CLTC: variants seen among roughly 807,000 people sequenced by gnomAD.
CLTC encodes the protein clathrin heavy chain, also known as clathrin heavy chain 1.
A neutral mutation model predicts 195.8 loss-of-function variants in CLTC; 16 were observed. The ratio of observed to expected loss-of-function variants is 0.08; its 90% CI spans 0.06 to 0.12. The LOEUF (loss-of-function observed/expected upper bound fraction) is 0.12. CLTC is among the 10% of genes least tolerant of loss of function. The probability of loss-of-function intolerance (pLI) is 1.00; values close to 1 mark genes in which losing one functional copy is unlikely to be tolerated. For missense variants in CLTC, 796 were observed against 2,027.0 expected (o/e 0.39, Z 11.66); for synonymous variants, 667 against 689.4 (o/e 0.97, Z 0.51).
chr17:59,655,368 C>T (rs2032440019), intron 5 of CLTC, among the ~76,000 whole-genome samples: 2 of 151,828 alleles, frequency 1.3e-5, no homozygotes, highest in African/African-American at 4.8e-5. Context: ...CATCACACCC[C>T]AAAATAATAG....
At chr17:59,650,625 AC>A (rs2032307134) in intron 4 of CLTC, among the ~76,000 whole-genome samples, 1 of 151,252 alleles carries the variant, frequency 6.6e-6, no homozygotes, top group Non-Finnish European at 1.5e-5. Flanking sequence ...GTATCAGCTG[AC>A]TTTTAAAAAT....
At chr17:59,658,323 C>T (rs9899259) in intron 6 of CLTC, among the ~76,000 whole-genome samples, 2,173 of 152,298 alleles carry the variant, frequency 0.014, 44 homozygotes, top group African/African-American at 0.049. Flanking sequence ...CAGGCATGAG[C>T]CACCACGCCT....
Position 59,683,563 on chromosome 17 carries a change from G to T in CLTC, c.4191+27G>T, listed in dbSNP as rs2033119901. 6.2e-7 allele frequency: 1 copy of T among 1,613,008 alleles called. No individual in the cohort carries two copies. ...TGTGTACTTTCTTCAGAAGATAAAG[G>T]ATTCAGAAGGAGAAAGCTCATTAGG... is the stretch of plus-strand genomic sequence containing the variant. On this transcript the variant is annotated intron_variant, in intron 26 of 31. Transcript: ENST00000269122. The surrounding 1 kb of genome is among the most constrained non-coding windows in gnomAD (Gnocchi z 6.1).
chr17:59,633,510 T>A (rs1448409693), intron 1 of CLTC, among the ~76,000 whole-genome samples: 1 of 151,810 alleles, frequency 6.6e-6, no homozygotes, highest in African/African-American at 2.4e-5. Context: ...GAAAAAAAAA[T>A]ACTCTAGTGA....
At chr17:59,667,302 G>A (rs183414852) in intron 13 of CLTC, among the ~76,000 whole-genome samples, 356 of 152,270 alleles carry the variant, frequency 2.3e-3, no homozygotes, top group African/African-American at 8.2e-3. Context: ...ATGCACCAAA[G>A]TCCAAAACTT....
At chr17:59,643,182 C>A (rs538638506) in intron 1 of CLTC, among the ~76,000 whole-genome samples, 1 of 138,858 alleles carries the variant, frequency 7.2e-6, no homozygotes, top group African/African-American at 2.9e-5. Context: ...TTGTACCATG[C>A]GAATTTATTA....
Position 59,644,289 on chromosome 17 carries a change from G to T in CLTC, c.56G>T (p.Gly19Val). Residue 19 changes from glycine (G) to valine (V), a missense_variant, in exon 2 of 32, where the codon GGT becomes GTT. Physicochemically the swap from Gly to Val is moderately radical, Grantham distance 109. Coordinates refer to ENST00000269122, the MANE Select transcript of CLTC (RefSeq NM_004859.4). Reference sequence around the variant, plus strand: ...TATTTTTTCTAGCTCCAGAACCTGGGTATCAACCCAGCAAACATTGGCTTC... The same window carrying T: ...TATTTTTTCTAGCTCCAGAACCTGGTTATCAACCCAGCAAACATTGGCTTC... ...FQEHLQLQNL[G>V]INPANIGFST... The T allele has an allele frequency of 6.2e-7, 1 of 1,613,936 alleles. No individual in the cohort carries two copies. Among genetic ancestry groups the T allele is most frequent in the Non-Finnish European group, 8.5e-7 (1 of 1,179,968 alleles).
intron 1 of CLTC, 134 bp from the exon 2 acceptor site, chr17:59,644,138 CTCTT>C: frequency 1.5e-6 from 1 of 665,110 alleles, no homozygotes. Flanking sequence ...TTAATAGTCT[CTCTT>C]TAATTAACAT....
intron 1 of CLTC, among the ~76,000 whole-genome samples, chr17:59,628,143 C>T (rs1382235344): frequency 2.0e-5 from 3 of 152,014 alleles, no homozygotes; most frequent in Non-Finnish European, 4.4e-5. Context: ...TGAAGTAAGA[C>T]GGTTTTAAAG....
intron 8 of CLTC, among the ~76,000 whole-genome samples, chr17:59,662,783 G>C (rs777671060): frequency 6.6e-6 from 1 of 152,158 alleles, no homozygotes; most frequent in Non-Finnish European, 1.5e-5. Context: ...AATTGATTAA[G>C]ATAAGGCAGG....
chr17:59,661,356 T>G, intron 7 of CLTC, 87 bp from the exon 8 acceptor site: 1 of 987,512 alleles, frequency 1.0e-6, no homozygotes, highest in Non-Finnish European at 1.6e-6. Flanking sequence ...GGGTGTTTAG[T>G]GTGATGTTTG....
At chr17:59,646,801 C>T (rs761791728) in intron 2 of CLTC, among the ~76,000 whole-genome samples, 16 of 152,274 alleles carry the variant, frequency 1.1e-4, no homozygotes, top group Non-Finnish European at 2.4e-4. Flanking sequence ...CTTCCTTTGT[C>T]TCCCTCTCCT....
rs1269054889 is a variant in CLTC at position 59,696,643 on chromosome 17, T to TATC, written c.*2792_*2794dup. 9.4e-6 allele frequency: 2 copies of TATC among 212,332 alleles called. No individual in the cohort carries two copies. The highest frequency in any genetic ancestry group is 4.5e-5 in the African/African-American group (2 of 44,226). 13.2% of individuals were successfully genotyped at this position (212,332 alleles called of 1,614,324 possible). On this transcript the variant is annotated 3_prime_UTR_variant, in exon 32 of 32. Transcript: ENST00000269122. ...GTAATTATTAGGATTGTATCAAGTGTATCTAAAGATCAAAAGGGAAAAAAG... is the reference window on the plus strand; with the variant it reads ...GTAATTATTAGGATTGTATCAAGTGTATCATCTAAAGATCAAAAGGGAAAAAAG...
intron 1 of CLTC, among the ~76,000 whole-genome samples, chr17:59,621,160 C>T (rs886613802): frequency 6.6e-6 from 1 of 152,224 alleles, no homozygotes; most frequent in African/African-American, 2.4e-5. Flanking sequence ...ATATTGTTAT[C>T]TGGCAACATG....
intron 1 of CLTC, among the ~76,000 whole-genome samples, chr17:59,640,916 C>T (rs531922893): frequency 8.8e-4 from 134 of 151,898 alleles, no homozygotes; most frequent in African/African-American, 3.1e-3. Context: ...GTCAAGAGAT[C>T]GAGACCATTC....
intron 1 of CLTC, among the ~76,000 whole-genome samples, chr17:59,623,095 T>G (rs2143431182): frequency 6.6e-6 from 1 of 152,338 alleles, no homozygotes; most frequent in East Asian, 1.9e-4. Context: ...TCTGGCACAT[T>G]AAGTATCTTT....
At chr17:59,628,757 C>G in intron 1 of CLTC, among the ~76,000 whole-genome samples, 1 of 152,130 alleles carries the variant, frequency 6.6e-6, no homozygotes, top group East Asian at 1.9e-4. Flanking sequence ...CTCCCAGGTT[C>G]AAGCAATTCT....
At chr17:59,649,053 G>C (rs1185180175) in intron 4 of CLTC, among the ~76,000 whole-genome samples, 1 of 152,168 alleles carries the variant, frequency 6.6e-6, no homozygotes, top group Non-Finnish European at 1.5e-5. Context: ...TTTCAACCAT[G>C]ACTACACATT....
intron 5 of CLTC, among the ~76,000 whole-genome samples, chr17:59,651,694 G>A (rs562181094): frequency 1.3e-5 from 2 of 152,330 alleles, no homozygotes; most frequent in African/African-American, 4.8e-5. Context: ...GCTAAAAAAT[G>A]TTAATGATTA....
Sources: allele counts gnomAD v4.1 joint callset (sites outside exome capture counted in the v4.1 genomes callset), GRCh38; gene constraint gnomAD v4.1.1; non-coding constraint Gnocchi (gnomAD v3.1); transcripts MANE v1.5; gene names NCBI Gene and HGNC (gene_info 2026-07-23, HGNC 2026-07-21).